The following GREM2 variants were observed in gnomAD, a reference collection of about 807,000 sequenced individuals.
GREM2 encodes gremlin-2.
Under a neutral mutation model 14.2 loss-of-function variants are expected in GREM2, and 11 were observed. That is an observed-to-expected ratio of 0.78 (90% CI 0.49 to 1.28). GREM2 has a LOEUF of 1.28. Among genes scored for constraint, GREM2 ranks in the 50% most tolerant of loss-of-function variants. The probability of loss-of-function intolerance (pLI) is 0.00; values close to 1 mark genes in which losing one functional copy is unlikely to be tolerated. For synonymous variants in GREM2, 98 were observed against 97.6 expected (o/e 1.00, Z -0.02); for missense variants, 210 against 218.5 (o/e 0.96, Z 0.24).
At chr1:240,534,903 C>T (rs1047730588) in intron 1 of GREM2, among the ~76,000 whole-genome samples, 6 of 151,926 alleles carry the variant, frequency 3.9e-5, no homozygotes, top group Non-Finnish European at 1.5e-5. Context: ...TTTGGTGACG[C>T]CAGATACTTA....
rs142582365 is a variant in GREM2, at chr1:240,550,578, T to C, written c.-1-57102A>G. Among the ~76,000 whole-genome samples, 20 of 152,216 alleles carry C rather than the reference T, an allele frequency of 1.3e-4. 1 individual carries two copies. Among genetic ancestry groups the C allele is most frequent in the African/African-American group, 4.3e-4 (18 of 41,530 alleles). On this transcript the variant is annotated intron_variant, in intron 1 of 1. Coordinates refer to ENST00000318160, the MANE Select transcript of GREM2 (RefSeq NM_022469.4). ...CTTGGGGAGTAGTGGGGAAACTGAA[T>C]AGGACACAATGTAGCATCAGTTGTT...
intron 1 of GREM2, among the ~76,000 whole-genome samples, chr1:240,511,645 T>A (rs1435025166): frequency 6.6e-6 from 1 of 151,944 alleles, no homozygotes; most frequent in Non-Finnish European, 1.5e-5. Flanking sequence ...CCCAGCTACT[T>A]GGGAGGCTGA....
chr1:240,607,103 A>G (rs1197932603), intron 1 of GREM2, among the ~76,000 whole-genome samples: 1 of 152,198 alleles, frequency 6.6e-6, no homozygotes. Flanking sequence ...ATTAGATGAT[A>G]CCTATAAAAT....
Position 240,590,258 on chromosome 1 carries a change from C to A in GREM2, c.-2+21626G>T, listed in dbSNP as rs1162560672. ...CATACACTAACATCAGAGCTCTTTA[C>A]CTTGGCTGTGGCCCTGTAGTATCTC... On this transcript the variant is annotated intron_variant, in intron 1 of 1. Coordinates refer to ENST00000318160, the MANE Select transcript of GREM2 (RefSeq NM_022469.4). Among the ~76,000 whole-genome samples, 3 of 152,234 alleles carry A rather than the reference C, an allele frequency of 2.0e-5. No homozygotes were observed. In the East Asian group the frequency reaches 5.8e-4, roughly 29 times the overall value.
chr1:240,495,272 T>C (rs1009323003), intron 1 of GREM2, among the ~76,000 whole-genome samples: 5 of 152,222 alleles, frequency 3.3e-5, no homozygotes, highest in Admixed American at 2.6e-4. Flanking sequence ...TTTTCTGTTT[T>C]ACCTTCTCTA....
intron 1 of GREM2, among the ~76,000 whole-genome samples, chr1:240,560,120 A>G (rs1679012419): frequency 1.3e-5 from 2 of 152,208 alleles, no homozygotes; most frequent in African/African-American, 2.4e-5. Flanking sequence ...ACTTCACCTC[A>G]TTTATTATTA....
At chr1:240,577,584 C>T (rs551403012) in intron 1 of GREM2, among the ~76,000 whole-genome samples, 3 of 152,246 alleles carry the variant, frequency 2.0e-5, no homozygotes, top group Admixed American at 6.5e-5. Context: ...GAACACAGTT[C>T]GGGTCTTAAC....
intron 1 of GREM2, among the ~76,000 whole-genome samples, chr1:240,589,480 G>T (rs531447869): frequency 6.6e-6 from 1 of 151,656 alleles, no homozygotes; most frequent in East Asian, 1.9e-4. Flanking sequence ...GAAAAGGAAA[G>T]ACATTAAATT....
Position 240,609,995 on chromosome 1 carries a change from T to A in GREM2, c.-2+1889A>T, listed in dbSNP as rs183313037. On this transcript the variant is annotated intron_variant, in intron 1 of 1. Coordinates refer to ENST00000318160, the MANE Select transcript of GREM2 (RefSeq NM_022469.4). Reference sequence around the variant, plus strand: ...AAGAATGATAGCAAAAAACAATGAATAATCACAGCATTGTTTATATTTATC... The same window carrying A: ...AAGAATGATAGCAAAAAACAATGAAAAATCACAGCATTGTTTATATTTATC... Among the ~76,000 whole-genome samples the A allele has an allele frequency of 7.2e-5, 11 of 152,228 alleles. No individual in the cohort carries two copies. The East Asian group carries it at 9.7e-4, about 13-fold the overall frequency.
chr1:240,602,408 A>G (rs565830676), intron 1 of GREM2, among the ~76,000 whole-genome samples: 1 of 152,350 alleles, frequency 6.6e-6, no homozygotes, highest in African/African-American at 2.4e-5. Context: ...GTTCTGTAAC[A>G]ATAGTGACCT....
intron 1 of GREM2, among the ~76,000 whole-genome samples, chr1:240,497,181 G>A (rs1366815020): frequency 1.3e-5 from 2 of 152,172 alleles, no homozygotes; most frequent in Non-Finnish European, 2.9e-5. Context: ...TGTGACCAAC[G>A]ACATCTGAAT....
intron 1 of GREM2, among the ~76,000 whole-genome samples, chr1:240,574,129 C>T (rs1679311803): frequency 6.6e-6 from 1 of 152,016 alleles, no homozygotes; most frequent in South Asian, 2.1e-4. Flanking sequence ...ACCATGTTGG[C>T]CAGGCTGGTC....
At chr1:240,537,355 G>A (rs1678495756) in intron 1 of GREM2, among the ~76,000 whole-genome samples, 1 of 152,004 alleles carries the variant, frequency 6.6e-6, no homozygotes, top group Admixed American at 6.6e-5. Context: ...AAGGAGCAAG[G>A]AATTCCTGCC....
chr1:240,510,317 C>G (rs950327426), intron 1 of GREM2, among the ~76,000 whole-genome samples: 2 of 123,380 alleles, frequency 1.6e-5, no homozygotes, highest in Non-Finnish European at 3.1e-5. Context: ...TTGCACTGAG[C>G]AGAGATCGCG....
At chr1:240,578,345 T>C (rs1263212869) in intron 1 of GREM2, among the ~76,000 whole-genome samples, 3 of 151,948 alleles carry the variant, frequency 2.0e-5, no homozygotes, top group East Asian at 1.9e-4. Context: ...AGGCTGGTCT[T>C]GAACTCCTGA....
chr1:240,516,386 T>C (rs993685115), intron 1 of GREM2, among the ~76,000 whole-genome samples: 5 of 152,198 alleles, frequency 3.3e-5, no homozygotes, highest in Admixed American at 1.3e-4. Context: ...TCCAGTCTGT[T>C]TTCTCTTTAT....
chr1:240,556,671 CT>C (rs1206787434), intron 1 of GREM2, among the ~76,000 whole-genome samples: 1 of 151,764 alleles, frequency 6.6e-6, no homozygotes, highest in East Asian at 1.9e-4. Flanking sequence ...GAAGACGATA[CT>C]AAGAAAGCAT....
Position 240,558,729 on chromosome 1 carries a change from C to A in GREM2, c.-2+53155G>T, listed in dbSNP as rs77930192. The stretch of plus-strand genomic sequence containing the variant: ...TTTGCCCTTAAAAAATTGATAAGAA[C>A]CTCAGAGAACTTTAGTTTCTGTTGG... On this transcript the variant is annotated intron_variant, in intron 1 of 1. Transcript: ENST00000318160. Among the ~76,000 whole-genome samples the A allele has an allele frequency of 4.5e-4, 69 of 152,052 alleles. No homozygotes were observed. In the East Asian group the frequency reaches 0.012, roughly 26 times the overall value.
intron 1 of GREM2, among the ~76,000 whole-genome samples, chr1:240,553,468 T>TA (rs1357685999): frequency 3.3e-5 from 5 of 152,192 alleles, no homozygotes; most frequent in African/African-American, 4.8e-5. Flanking sequence ...GTCAGATGCG[T>TA]AAAAATCTCA....
Sources: allele counts gnomAD v4.1 joint callset (sites outside exome capture counted in the v4.1 genomes callset), GRCh38; gene constraint gnomAD v4.1.1; transcripts MANE v1.5; gene names NCBI Gene and HGNC (gene_info 2026-07-23, HGNC 2026-07-21).